Variants in SMIM36 observed in about 807,000 individuals in gnomAD.
The protein encoded by SMIM36 is small integral membrane protein 36.
intron 1 of SMIM36, among the ~76,000 whole-genome samples, chr17:55,481,127 A>T (rs530853342): frequency 1.5e-4 from 23 of 150,892 alleles, no homozygotes; most frequent in East Asian, 7.8e-4. Flanking sequence ...TCTCTCTCTC[A>T]CACACACACA....
At chr17:55,465,489 T>C (rs1295049166) in intron 4 of SMIM36, among the ~76,000 whole-genome samples, 1 of 152,186 alleles carries the variant, frequency 6.6e-6, no homozygotes, top group Non-Finnish European at 1.5e-5. Context: ...GGATATTATG[T>C]CTATCTTTAG....
In SMIM36 at chr17:55,452,959, G is replaced by A. The variant is rs368189364; in HGVS notation, c.*532-2661C>T. Among the ~76,000 whole-genome samples the A allele has an allele frequency of 1.2e-4, 19 of 152,282 alleles. No individual in the cohort carries two copies. In the South Asian group the frequency reaches 3.5e-3, roughly 28 times the overall value. On this transcript the variant is annotated intron_variant, in intron 4 of 4. Transcript: ENST00000636752. ...GGCTAGGAATGGGTGGCTGTGTTTG[G>A]ACACTCTTACCACATCCTTTTCTCT...
chr17:55,473,839 C>A (rs1339392578), intron 3 of SMIM36, among the ~76,000 whole-genome samples: 1 of 152,024 alleles, frequency 6.6e-6, no homozygotes, highest in African/African-American at 2.4e-5. Flanking sequence ...TTTCTGCCTC[C>A]AAAGAAAGAA....
At chr17:55,515,086 GTTTTTTTTTTTTTTT>G (rs1158864125), upstream of SMIM36, among the ~76,000 whole-genome samples, 23 of 54,102 alleles carry the variant, frequency 4.3e-4, no homozygotes, top group African/African-American at 2.4e-3. Context: ...CTAGTCTAGT[GTTTTTTTTTTTTTTT>G]TTTTTTTTTT....
intron 1 of SMIM36, among the ~76,000 whole-genome samples, chr17:55,486,901 T>C (rs936936504): frequency 6.6e-6 from 1 of 152,162 alleles, no homozygotes; most frequent in South Asian, 2.1e-4. Context: ...TTGCAACCAA[T>C]TTAAAGATCA....
At chr17:55,456,462 T>G (rs1287856594) in intron 4 of SMIM36, among the ~76,000 whole-genome samples, 1 of 152,234 alleles carries the variant, frequency 6.6e-6, no homozygotes, top group Admixed American at 6.5e-5. Flanking sequence ...TTTCCCACAG[T>G]AGACAAACCT....
chr17:55,525,856 C>T, the SMIM36 span, among the ~76,000 whole-genome samples: 2 of 152,098 alleles, frequency 1.3e-5, no homozygotes, highest in African/African-American at 4.8e-5. Flanking sequence ...TGGGGTTTCT[C>T]CATGTTGGCC....
intron 1 of SMIM36, among the ~76,000 whole-genome samples, chr17:55,505,809 T>C (rs1454631197): frequency 5.0e-5 from 6 of 120,870 alleles, no homozygotes; most frequent in Non-Finnish European, 9.7e-5. Context: ...GATGACATGA[T>C]TGTATATCTA....
intron 1 of SMIM36, among the ~76,000 whole-genome samples, chr17:55,485,482 T>C (rs1909589129): frequency 6.7e-6 from 1 of 148,676 alleles, no homozygotes; most frequent in South Asian, 2.1e-4. Context: ...ACAGATGAAG[T>C]CTCCCTATGT....
chr17:55,518,041 T>TGC, the SMIM36 span, among the ~76,000 whole-genome samples: 1 of 151,858 alleles, frequency 6.6e-6, no homozygotes, highest in Non-Finnish European at 1.5e-5. Flanking sequence ...GAAGTATGTA[T>TGC]CTTAGTCCAT....
In SMIM36 at chr17:55,508,431, AATATATATATATAT is replaced by A. The variant is rs55879501; in HGVS notation, c.*174+2434_*174+2447del. Among the ~76,000 whole-genome samples the A allele has an allele frequency of 5.3e-3, 611 of 114,270 alleles. 6 individuals carry two copies. Among genetic ancestry groups the A allele is most frequent in the East Asian group, 0.029 (107 of 3,686 alleles). 75.0% of individuals were successfully genotyped at this position (114,270 alleles called of 152,430 possible). A position where few individuals can be genotyped will look rare whatever the true frequency, so the allele number is the denominator to read the frequency against. Reference sequence around the variant, plus strand: ...CATATTTTATATATATATTCCTAGGAATATATATATATATATATATATATATATATATATATATG... The same window carrying A: ...CATATTTTATATATATATTCCTAGGAATATATATATATATATATATATATG... On this transcript the variant is annotated intron_variant, in intron 1 of 4. Coordinates refer to ENST00000636752, the Ensembl canonical transcript of SMIM36.
chr17:55,528,132 T>C, the SMIM36 span: 1 of 152,208 alleles, frequency 6.6e-6, no homozygotes. Flanking sequence ...TTTTAGTGTG[T>C]CTTACGGTTT....
chr17:55,477,622 A>G (rs544515192), intron 3 of SMIM36, among the ~76,000 whole-genome samples: 1 of 152,248 alleles, frequency 6.6e-6, no homozygotes, highest in South Asian at 2.1e-4. Context: ...GGGAGACACA[A>G]TTCAACCCAT....
intron 3 of SMIM36, among the ~76,000 whole-genome samples, chr17:55,475,016 C>T (rs190803578): frequency 1.3e-5 from 2 of 152,018 alleles, no homozygotes; most frequent in African/African-American, 2.4e-5. Context: ...AGATCAGTTC[C>T]GTATATAGAT....
the SMIM36 span, among the ~76,000 whole-genome samples, chr17:55,517,789 A>G: frequency 6.6e-6 from 1 of 152,232 alleles, no homozygotes; most frequent in Non-Finnish European, 1.5e-5. Flanking sequence ...TGGAAAAGTC[A>G]GTGTTGCAAA....
At chr17:55,501,689 T>C (rs1909984402) in intron 1 of SMIM36, among the ~76,000 whole-genome samples, 1 of 145,222 alleles carries the variant, frequency 6.9e-6, no homozygotes. Flanking sequence ...TGGGTGTTTA[T>C]ATATAGTCCC....
At chr17:55,486,516 G>A (rs776693751) in intron 1 of SMIM36, among the ~76,000 whole-genome samples, 6 of 152,138 alleles carry the variant, frequency 3.9e-5, no homozygotes, top group African/African-American at 9.7e-5. Flanking sequence ...ACTGGCTGAC[G>A]ATGAATGAAG....
chr17:55,462,220 CTTA>C (rs1206049342), intron 4 of SMIM36, among the ~76,000 whole-genome samples: 1 of 152,096 alleles, frequency 6.6e-6, no homozygotes, highest in Non-Finnish European at 1.5e-5. Flanking sequence ...TTAATTAATA[CTTA>C]TTAATACTTA....
At chr17:55,493,254 G>A (rs565717114) in intron 1 of SMIM36, among the ~76,000 whole-genome samples, 1 of 152,176 alleles carries the variant, frequency 6.6e-6, no homozygotes, top group Non-Finnish European at 1.5e-5. Context: ...ATAGCCAAAA[G>A]GTCCTTGGCA....
Sources: allele counts gnomAD v4.1 joint callset (sites outside exome capture counted in the v4.1 genomes callset), GRCh38; gene constraint gnomAD v4.1.1; transcripts MANE v1.5; gene names NCBI Gene and HGNC (gene_info 2026-07-23, HGNC 2026-07-21).